The following ABLIM1 variants were observed in gnomAD, a reference collection of about 807,000 sequenced individuals.
ABLIM1 encodes actin binding LIM protein 1.
ABLIM1 carries 40 observed loss-of-function variants against 107.0 expected under a neutral mutation model. The ratio of observed to expected loss-of-function variants is 0.37; its 90% CI spans 0.29 to 0.49. The LOEUF is 0.49. Ranked by LOEUF, ABLIM1 falls within the 20% of genes least tolerant of loss-of-function variation. The pLI, the probability that ABLIM1 is intolerant of heterozygous loss-of-function variation, is 0.97. For missense variants in ABLIM1, 857 were observed against 1,008.5 expected, an observed-to-expected ratio of 0.85 and a Z score of 2.04; for synonymous variants, 357 against 357.3, an observed-to-expected ratio of 1.00 and a Z score of 0.01.
chr10:114,544,903 G>GA, intron 6 of ABLIM1, 102 bp downstream of exon 6: 6 of 1,087,526 alleles, frequency 5.5e-6, no homozygotes, highest in South Asian at 2.5e-5. Flanking sequence ...CTCCACAGGT[G>GA]AAAAAAAGAT....
intron 1 of ABLIM1, chr10:114,613,836 T>C: frequency 1.1e-6 from 1 of 905,920 alleles, no homozygotes; most frequent in Non-Finnish European, 1.5e-6. Context: ...AGCTCTCTTA[T>C]GACCTAATTT....
chr10:114,632,152 GCAGCCGCGCC>G, intron 1 of ABLIM1: 1 of 985,406 alleles, frequency 1.0e-6, no homozygotes, highest in Non-Finnish European at 1.2e-6. Context: ...CCGCCGAGCT[GCAGCCGCGCC>G]CAGCTCGGGG....
intron 14 of ABLIM1, chr10:114,450,110 C>A: frequency 2.5e-6 from 1 of 395,594 alleles, no homozygotes; most frequent in East Asian, 9.4e-5. Flanking sequence ...CTTAAATTAA[C>A]AACAAAAGGA....
At chr10:114,715,679 T>A (rs1405924884) in intron 1 of ABLIM1, among the ~76,000 whole-genome samples, 2 of 152,118 alleles carry the variant, frequency 1.3e-5, no homozygotes, top group Non-Finnish European at 2.9e-5. Flanking sequence ...CTTCCTGACC[T>A]CAGCCCTCAC....
At position 114,546,514 on chromosome 10, in the gene ABLIM1, C is replaced by T. The variant is rs183790460; in HGVS notation, c.800+1136G>A. On this transcript the variant is annotated intron_variant, in intron 5 of 22. Coordinates refer to ENST00000533213, the MANE Select transcript of ABLIM1 (RefSeq NM_002313.7). Reference sequence around the variant, plus strand: ...TTCACCATATTGGCCAGGCTGGTCTCGAACTCTCAACCTCAGGTGATCCGA... The same window carrying T: ...TTCACCATATTGGCCAGGCTGGTCTTGAACTCTCAACCTCAGGTGATCCGA... Among the ~76,000 whole-genome samples, 60 of 152,096 alleles carry T rather than the reference C, an allele frequency of 3.9e-4. 1 individual carries two copies. The highest frequency in any genetic ancestry group is 2.0e-3 in the Admixed American group (31 of 15,288).
At chr10:114,645,291 T>C (rs2078965866) in intron 1 of ABLIM1, among the ~76,000 whole-genome samples, 1 of 152,104 alleles carries the variant, frequency 6.6e-6, no homozygotes, top group African/African-American at 2.4e-5. Flanking sequence ...GGCTGGGATA[T>C]CTCTGCAGCA....
chr10:114,577,087 C>T (rs1044035169), intron 2 of ABLIM1, among the ~76,000 whole-genome samples: 1 of 152,124 alleles, frequency 6.6e-6, no homozygotes, highest in Non-Finnish European at 1.5e-5. Context: ...CTGGGGGTAG[C>T]GGGTCACAGA....
the ABLIM1 span, among the ~76,000 whole-genome samples, chr10:114,776,623 T>A: frequency 6.6e-6 from 1 of 151,890 alleles, no homozygotes; most frequent in African/African-American, 2.4e-5. Context: ...AAAAAAAAAA[T>A]AAAATGGATT....
At chr10:114,575,628 A>G (rs1250496927) in intron 2 of ABLIM1, 29 bp from the exon 3 acceptor site, 1 of 1,599,576 alleles carries the variant, frequency 6.3e-7, no homozygotes, top group Non-Finnish European at 8.5e-7. Flanking sequence ...ACATCTGGTC[A>G]TTATCTGCCA....
chr10:114,559,893 G>A (rs1194217593), intron 4 of ABLIM1, among the ~76,000 whole-genome samples: 3 of 152,202 alleles, frequency 2.0e-5, no homozygotes, highest in Non-Finnish European at 4.4e-5. Flanking sequence ...CAATAGAGCA[G>A]AAGAAAAGCA....
rs552264895 is a variant in ABLIM1 at position 114,635,605 on chromosome 10, C to T, written c.244+22352G>A. On this transcript the variant is annotated intron_variant, in intron 1 of 22. Transcript: ENST00000533213. The stretch of plus-strand genomic sequence containing the variant: ...AGTGGCACATCTCAGGTCACTGCAA[C>T]CTCCGCCTCCTAGGTTTCAAGCGGT... Among the ~76,000 whole-genome samples the T allele has an allele frequency of 4.6e-5, 7 of 152,328 alleles. No individual in the cohort carries two copies. The South Asian group carries it at 1.4e-3, about 32-fold the overall frequency.
intron 1 of ABLIM1, among the ~76,000 whole-genome samples, chr10:114,749,699 C>G (rs924045434): frequency 6.6e-6 from 1 of 152,100 alleles, no homozygotes; most frequent in Non-Finnish European, 1.5e-5. Flanking sequence ...ACTGCTCCCC[C>G]ACGCCCCACC....
At chr10:114,738,906 T>A (rs1388072408) in intron 1 of ABLIM1, among the ~76,000 whole-genome samples, 3 of 152,200 alleles carry the variant, frequency 2.0e-5, no homozygotes, top group African/African-American at 7.2e-5. Context: ...AATGATTCCC[T>A]TCAAATGATA....
intron 6 of ABLIM1, among the ~76,000 whole-genome samples, chr10:114,504,521 C>T (rs753620945): frequency 1.3e-5 from 2 of 152,072 alleles, no homozygotes; most frequent in Non-Finnish European, 2.9e-5. Context: ...CTGGTAAGAT[C>T]CAGTGGATCT....
At chr10:114,743,103 G>A (rs916176147) in intron 1 of ABLIM1, among the ~76,000 whole-genome samples, 2 of 152,026 alleles carry the variant, frequency 1.3e-5, no homozygotes, top group African/African-American at 4.8e-5. Flanking sequence ...AATTAATATG[G>A]TTATATTTGA....
At chr10:114,583,155 T>C (rs2073619560) in intron 2 of ABLIM1, among the ~76,000 whole-genome samples, 1 of 151,124 alleles carries the variant, frequency 6.6e-6, no homozygotes, top group African/African-American at 2.4e-5. Context: ...GGAATTTAAT[T>C]CTACAAGCAA....
upstream of ABLIM1, among the ~76,000 whole-genome samples, chr10:114,769,429 AAGAAAGAAAG>A (rs1448718212): frequency 7.5e-5 from 2 of 26,600 alleles, no homozygotes; most frequent in Admixed American, 2.8e-4. Context: ...GAAGGAAAGA[AAGAAAGAAAG>A]AAAGAAAGAA....
At chr10:114,505,897 A>G (rs2061060213) in intron 6 of ABLIM1, among the ~76,000 whole-genome samples, 1 of 152,210 alleles carries the variant, frequency 6.6e-6, no homozygotes, top group Non-Finnish European at 1.5e-5. Flanking sequence ...CAAGGGGTAC[A>G]TGTGCAGGTT....
In ABLIM1 at chr10:114,626,285, A is replaced by G. The variant is rs115902163; in HGVS notation, c.245-24324T>C. Among the ~76,000 whole-genome samples, 824 of 152,334 alleles carry G rather than the reference A, an allele frequency of 5.4e-3. 7 individuals are homozygous for G. The highest frequency in any genetic ancestry group is 0.019 in the African/African-American group (796 of 41,566). ...TCAAACCATAAAGGGTGCTGGACCC[A>G]GCAGCTTGAGGCAGAAAGGTGTGGT... is the stretch of plus-strand genomic sequence containing the variant. On this transcript the variant is annotated intron_variant, in intron 1 of 22. Transcript: ENST00000533213.
Sources: gnomAD v4.1 joint callset for allele counts (sites outside exome capture counted in the v4.1 genomes callset) on GRCh38, gnomAD v4.1.1 for gene constraint, MANE v1.5 for transcripts, NCBI Gene and HGNC (gene_info 2026-07-23, HGNC 2026-07-21) for gene names.